The following RETREG1 variants were observed in gnomAD, a reference collection of about 807,000 sequenced individuals.
The protein encoded by RETREG1 is reticulophagy regulator 1.
Under a neutral mutation model 54.8 loss-of-function variants are expected in RETREG1, and 44 were observed. That is an observed-to-expected ratio of 0.80 (90% CI 0.63 to 1.03). The LOEUF (loss-of-function observed/expected upper bound fraction) is 1.03, where lower values mean the gene tolerates loss of function less well. RETREG1 is among the 50% of genes least tolerant of loss of function. The pLI is 0.00. For synonymous variants in RETREG1, 217 were observed against 238.5 expected (o/e 0.91, Z 0.83); for missense variants, 554 against 605.1 (o/e 0.92, Z 0.89).
chr5:16,610,201 G>A (rs1424102788), intron 1 of RETREG1, among the ~76,000 whole-genome samples: 3 of 152,184 alleles, frequency 2.0e-5, no homozygotes, highest in Admixed American at 2.0e-4. Context: ...GACTCGGTAG[G>A]TCCTGCTGGC....
chr5:16,477,718 T>G lies in RETREG1; in HGVS notation c.944A>C (p.Asp315Ala). The change falls in exon 8 of 9, where the codon GAT (aspartate) becomes GCT (alanine). Residue 315 changes from aspartate to alanine, a missense_variant. By Grantham distance (126) the Asp-to-Ala change is moderately radical. Around this residue, in one of 4 missense-constraint regions of RETREG1, gnomAD observed 347 missense variants for 412.3 expected, o/e 0.84. Coordinates refer to ENST00000306320, the MANE Select transcript of RETREG1 (RefSeq NM_001034850.3). ...TTCTGAAAGGTTGAAGGTCCCATTA[T>G]CAGTCCAGGATACCTCTGAGACGTC... ...DTDVSEVSWT[D>A]NGTFNLSEGY... 6.2e-7 allele frequency: 1 copy of G among 1,613,304 alleles called. No homozygotes were observed. Among genetic ancestry groups the G allele is most frequent in the Non-Finnish European group, 8.5e-7 (1 of 1,179,468 alleles).
At chr5:16,481,314 T>C (rs921845093) in intron 4 of RETREG1, among the ~76,000 whole-genome samples, 2 of 152,112 alleles carry the variant, frequency 1.3e-5, no homozygotes, top group Non-Finnish European at 2.9e-5. Flanking sequence ...ATAATTATTT[T>C]GAGGACACAG....
At position 16,475,093 on chromosome 5, in the gene RETREG1, T is replaced by C; in HGVS notation, c.1142A>G (p.Asp381Gly). 1 of 1,613,970 alleles carries C rather than the reference T, an allele frequency of 6.2e-7. No homozygotes were observed. The highest frequency in any genetic ancestry group is 8.5e-7 in the Non-Finnish European group (1 of 1,179,924). Reference sequence around the variant, plus strand: ...CTCTTTGCTTGGTCTGTGACCACTGTCCAACTGTTCCTTCTTTCTCTTGAG... The same window carrying C: ...CTCTTTGCTTGGTCTGTGACCACTGCCCAACTGTTCCTTCTTTCTCTTGAG... ...TELKRKKEQL[D>G]SGHRPSKETQ... The change falls in exon 9 of 9, where the codon GAC becomes GGC. Residue 381 changes from aspartate (D) to glycine (G), a missense_variant. Asp to Gly is a moderately conservative substitution (Grantham distance 94). Transcript: ENST00000306320.
In RETREG1 at chr5:16,600,199, C is replaced by T. The variant is rs546223963; in HGVS notation, c.320+16453G>A. Among the ~76,000 whole-genome samples the T allele has an allele frequency of 2.6e-5, 4 of 152,328 alleles. No homozygotes were observed. The South Asian group carries it at 8.3e-4, about 32-fold the overall frequency. ...TGTTTTTAGTAGAGACAGGGTTTCG[C>T]CATGTTGGCCAGGCTGGTCCTGAAC... On this transcript the variant is annotated intron_variant, in intron 1 of 8. Transcript: ENST00000306320.
At chr5:16,479,043 C>T (rs1054485884) in intron 5 of RETREG1, 56 bp from the exon 6 acceptor site, 1 of 1,538,618 alleles carries the variant, frequency 6.5e-7, no homozygotes, top group Non-Finnish European at 9.0e-7. Context: ...AGGCTACGTA[C>T]ATTTCAGTAT....
At chr5:16,483,993 T>C (rs1432211834) in intron 3 of RETREG1, among the ~76,000 whole-genome samples, 1 of 152,106 alleles carries the variant, frequency 6.6e-6, no homozygotes, top group Non-Finnish European at 1.5e-5. Context: ...ACAGTACTTT[T>C]AGAGAAACCT....
rs762831720 is a variant in RETREG1, at chr5:16,479,000, A to G, written c.671-13T>C. ...AATGCACACAGTACTGAAAGAAGAAAGAGAGCAGAGGTAAAATGCCTTTCC... is the reference window on the plus strand; with the variant it reads ...AATGCACACAGTACTGAAAGAAGAAGGAGAGCAGAGGTAAAATGCCTTTCC... On this transcript the variant is annotated splice_polypyrimidine_tract_variant and intron_variant, in intron 5 of 8. Coordinates refer to ENST00000306320, the MANE Select transcript of RETREG1 (RefSeq NM_001034850.3). 2 of 1,610,918 alleles carry G rather than the reference A, an allele frequency of 1.2e-6. No individual in the cohort carries two copies. Among genetic ancestry groups the G allele is most frequent in the South Asian group, 1.1e-5 (1 of 90,966 alleles).
intron 1 of RETREG1, among the ~76,000 whole-genome samples, chr5:16,583,131 A>G (rs1034043280): frequency 3.9e-5 from 6 of 152,176 alleles, no homozygotes; most frequent in African/African-American, 1.4e-4. Context: ...GATGAAAAAT[A>G]AAGTGAAGGT....
Position 16,561,725 on chromosome 5 carries a change from A to G in RETREG1, c.458+4038T>C, listed in dbSNP as rs1332212311. Among the ~76,000 whole-genome samples the G allele has an allele frequency of 6.6e-6, 1 of 152,128 alleles. No homozygotes were observed. Among genetic ancestry groups the G allele is most frequent in the Non-Finnish European group, 1.5e-5 (1 of 68,018 alleles). On this transcript the variant is annotated intron_variant, in intron 3 of 8. Coordinates refer to ENST00000306320, the MANE Select transcript of RETREG1 (RefSeq NM_001034850.3). This position sits in a 1 kb window ranked among gnomAD's most constrained non-coding sequence, Gnocchi z 4.2. ...GCTGTGCTAATATTTTTTCCAAATC[A>G]TCATTAAACACTCAAACAGCTTCTG...
At chr5:16,491,131 G>A (rs557562948) in intron 3 of RETREG1, among the ~76,000 whole-genome samples, 35 of 152,182 alleles carry the variant, frequency 2.3e-4, no homozygotes, top group African/African-American at 7.0e-4. Context: ...CACTCTGCCC[G>A]CACTGTCCCA....
intron 1 of RETREG1, among the ~76,000 whole-genome samples, chr5:16,601,616 G>A (rs537340748): frequency 1.3e-5 from 2 of 151,944 alleles, no homozygotes; most frequent in African/African-American, 2.4e-5. Flanking sequence ...GGCTGGTCTC[G>A]AACTCCTGAC....
chr5:16,572,213 C>CTT lies in RETREG1; in HGVS notation c.321-113_321-112dup, dbSNP rs11338270. 2,870 of 558,022 alleles carry CTT rather than the reference C, an allele frequency of 5.1e-3. 1 individual carries two copies. Among genetic ancestry groups the CTT allele is most frequent in the African/African-American group, 9.9e-3 (478 of 48,272 alleles). The allele number at this position is 558,022 out of a possible 1,614,324, so 34.6% of individuals were successfully genotyped here. On this transcript the variant is annotated intron_variant, in intron 1 of 8. Transcript: ENST00000306320. The stretch of plus-strand genomic sequence containing the variant: ...AAAAAGGTATTCAATAATGATTTCA[C>CTT]TTTTTTTTTTTTTTTTTGAGACAGA...
rs188155693 is a variant in RETREG1 at position 16,524,571 on chromosome 5, G to A, written c.459-41099C>T. Among the ~76,000 whole-genome samples the A allele has an allele frequency of 2.0e-4, 31 of 152,258 alleles. No individual in the cohort carries two copies. The East Asian group carries it at 5.6e-3, about 27-fold the overall frequency. ...TCATGGTGGATTCACGCTGCCAGAC[G>A]CTGCTTTCGGCCTGCTTATTTATAA... On this transcript the variant is annotated intron_variant, in intron 3 of 8. Coordinates refer to ENST00000306320, the MANE Select transcript of RETREG1 (RefSeq NM_001034850.3).
intron 3 of RETREG1, among the ~76,000 whole-genome samples, chr5:16,518,308 T>G (rs1051080020): frequency 1.3e-5 from 2 of 149,036 alleles, no homozygotes; most frequent in African/African-American, 4.9e-5. Context: ...GATGAACATA[T>G]CTGGAAAGAT....
chr5:16,567,516 AGGCATCAAT>A (rs557553388), intron 2 of RETREG1, among the ~76,000 whole-genome samples: 170 of 152,318 alleles, frequency 1.1e-3, no homozygotes, highest in African/African-American at 3.7e-3. Context: ...TGCTGAGGCC[AGGCATCAAT>A]GGACAGTGTA....
chr5:16,527,186 G>A (rs1740741607), intron 3 of RETREG1, among the ~76,000 whole-genome samples: 1 of 152,104 alleles, frequency 6.6e-6, no homozygotes, highest in African/African-American at 2.4e-5. Flanking sequence ...TTAGAGATGG[G>A]GTCAAAGCAC....
At chr5:16,615,399 C>CAAAAAA (rs35626131) in intron 1 of RETREG1, among the ~76,000 whole-genome samples, 9 of 92,646 alleles carry the variant, frequency 9.7e-5, no homozygotes, top group Admixed American at 2.3e-4. Flanking sequence ...GACTCCATCT[C>CAAAAAA]AAAAAAAAAA....
Position 16,474,750 on chromosome 5 carries a change from T to G in RETREG1, c.1485A>C (p.Gly495=), listed in dbSNP as rs771874703. The G allele has an allele frequency of 6.2e-7, 1 of 1,612,338 alleles. No homozygotes were observed. Among genetic ancestry groups the G allele is most frequent in the South Asian group, 1.1e-5 (1 of 91,032 alleles). The change falls in exon 9 of 9, where the codon GGA becomes GGC. Residue 495 remains glycine (G), a synonymous_variant. Transcript: ENST00000306320. ...KSSGFLSNLL[G]GH ...CAAGCTGATTCCTAGATTAATGGCC[T>G]CCCAGCAGATTTGAAAGGAAACCTG...
intron 1 of RETREG1, among the ~76,000 whole-genome samples, chr5:16,602,949 G>A (rs1175115858): frequency 2.0e-5 from 3 of 152,034 alleles, no homozygotes; most frequent in South Asian, 2.1e-4. Flanking sequence ...AGGAGGTTGC[G>A]GTGAGCCGAG....
Sources: allele counts gnomAD v4.1 joint callset (sites outside exome capture counted in the v4.1 genomes callset), GRCh38; gene constraint gnomAD v4.1.1; regional missense constraint gnomAD v4.1.1; non-coding constraint Gnocchi (gnomAD v3.1); transcripts MANE v1.5; gene names NCBI Gene and HGNC (gene_info 2026-07-23, HGNC 2026-07-21).